Variants in RAPGEF6 observed in about 807,000 individuals in gnomAD.
The protein encoded by RAPGEF6 is Rap guanine nucleotide exchange factor 6, also known as PDZ domain containing guanine nucleotide exchange factor (GEF) 2.
Under a neutral mutation model 171.4 loss-of-function variants are expected in RAPGEF6, and 56 were observed. The observed-to-expected ratio is 0.33, with a 90% CI of 0.26 to 0.41. The LOEUF (loss-of-function observed/expected upper bound fraction) is 0.41. Ranked by LOEUF, RAPGEF6 falls within the 10% of genes least tolerant of loss-of-function variation. The probability of loss-of-function intolerance (pLI) is 1.00; values close to 1 mark genes in which losing one functional copy is unlikely to be tolerated. For synonymous variants in RAPGEF6, 692 were observed against 650.1 expected (o/e 1.06, Z -0.98); for missense variants, 1,674 against 1,921.4 (o/e 0.87, Z 2.41).
chr5:131,488,298 G>C (rs1756057989), intron 15 of RAPGEF6, among the ~76,000 whole-genome samples: 1 of 152,134 alleles, frequency 6.6e-6, no homozygotes, highest in African/African-American at 2.4e-5. Flanking sequence ...TTTAATACCA[G>C]TTAGTAATCT....
At chr5:131,626,719 T>C (rs1212308999) in intron 1 of RAPGEF6, among the ~76,000 whole-genome samples, 1 of 152,100 alleles carries the variant, frequency 6.6e-6, no homozygotes, top group Non-Finnish European at 1.5e-5. Flanking sequence ...TCTACAACCT[T>C]GGTTTTTAAT....
intron 15 of RAPGEF6, among the ~76,000 whole-genome samples, chr5:131,487,127 G>A (rs537183978): frequency 6.6e-6 from 1 of 152,196 alleles, no homozygotes; most frequent in African/African-American, 2.4e-5. Context: ...TAAAGATGGT[G>A]TGTCTGGAGT....
intron 23 of RAPGEF6, among the ~76,000 whole-genome samples, chr5:131,441,300 T>C (rs1376705625): frequency 6.6e-6 from 1 of 152,216 alleles, no homozygotes; most frequent in Non-Finnish European, 1.5e-5. Flanking sequence ...TAAAGCACAA[T>C]TTGAACCATG....
rs115221227 is a variant in RAPGEF6 at position 131,562,709 on chromosome 5, C to T, written c.282-662G>A. On this transcript the variant is annotated intron_variant, in intron 4 of 27. Transcript: ENST00000509018. ...AAATGCTACATAAATAGTTGTTATG[C>T]TTTATTGCTTAGGGAATAATGACAA... Among the ~76,000 whole-genome samples, 1,342 of 152,210 alleles carry T rather than the reference C, an allele frequency of 8.8e-3. 24 individuals carry two copies. Among genetic ancestry groups the T allele is most frequent in the African/African-American group, 0.031 (1,274 of 41,538 alleles).
intron 19 of RAPGEF6, among the ~76,000 whole-genome samples, chr5:131,459,421 T>C (rs1753751930): frequency 6.6e-6 from 1 of 152,150 alleles, no homozygotes; most frequent in African/African-American, 2.4e-5. Flanking sequence ...ATTTGACAAA[T>C]GAGGAAACTT....
Position 131,508,176 on chromosome 5 carries a change from A to G in RAPGEF6, c.837T>C (p.Pro279=). 6.2e-7 allele frequency: 1 copy of G among 1,612,736 alleles called. No individual in the cohort carries two copies. The highest frequency in any genetic ancestry group is 1.3e-5 in the African/African-American group (1 of 74,964). ...CAGACATGGTCATGTTTGCAAATGC[A>G]GGGAGCTGGTGCATAAACTCCAGCA... is the stretch of plus-strand genomic sequence containing the variant. ...EQLLEFMHQL[P]AFANMTMSVR... Residue 279 remains proline, a synonymous_variant, in exon 9 of 28, where the codon CCT becomes CCC. Transcript: ENST00000509018.
intron 20 of RAPGEF6, among the ~76,000 whole-genome samples, chr5:131,453,486 A>G (rs879680667): frequency 4.6e-5 from 7 of 152,062 alleles, no homozygotes; most frequent in Non-Finnish European, 1.0e-4. Context: ...AGCACTTTGG[A>G]AGGCCGAGGC....
chr5:131,431,175 T>C lies in RAPGEF6; in HGVS notation c.4149A>G (p.Lys1383=). 1 of 1,614,106 alleles carries C rather than the reference T, an allele frequency of 6.2e-7. No individual in the cohort carries two copies. Among genetic ancestry groups the C allele is most frequent in the Non-Finnish European group, 8.5e-7 (1 of 1,180,014 alleles). ...TGTAAGAGTTCAAAAAATCCCAGCT[T>C]TTTGGGTTTGGAAGGCTTTGGAAGT... ...HDNFQSLPNP[K]SWDFLNSYRH... is the part of the protein sequence containing the mutation. The change falls in exon 26 of 28, where the codon AAA becomes AAG. Residue 1383 remains lysine, a synonymous_variant. Transcript: ENST00000509018.
chr5:131,468,726 G>C (rs1754546386), intron 17 of RAPGEF6, among the ~76,000 whole-genome samples: 1 of 152,090 alleles, frequency 6.6e-6, no homozygotes, highest in South Asian at 2.1e-4. Context: ...CACTCTCAGG[G>C]AATTTACTTA....
intron 5 of RAPGEF6, among the ~76,000 whole-genome samples, chr5:131,554,390 G>A (rs747723850): frequency 5.1e-4 from 78 of 152,272 alleles, no homozygotes; most frequent in Middle Eastern, 3.4e-3. Context: ...TATTAAATAC[G>A]TGGTTAAATA....
intron 4 of RAPGEF6, among the ~76,000 whole-genome samples, chr5:131,565,496 T>C (rs1417936559): frequency 6.6e-6 from 1 of 152,178 alleles, no homozygotes; most frequent in African/African-American, 2.4e-5. Context: ...ACTGACATAA[T>C]GACCCTAAAA....
intron 6 of RAPGEF6, chr5:131,532,381 A>G (rs1759449338): frequency 4.5e-6 from 1 of 221,886 alleles, no homozygotes; most frequent in African/African-American, 2.3e-5. Flanking sequence ...AGATGTTTAC[A>G]ATTCTGGCTC....
chr5:131,628,741 G>C (rs1766103499), intron 1 of RAPGEF6, among the ~76,000 whole-genome samples: 1 of 152,122 alleles, frequency 6.6e-6, no homozygotes, highest in Non-Finnish European at 1.5e-5. Flanking sequence ...TGAAGCCAAT[G>C]ATCATTTACC....
chr5:131,576,128 G>A (rs1168824505), intron 4 of RAPGEF6, among the ~76,000 whole-genome samples: 1 of 152,064 alleles, frequency 6.6e-6, no homozygotes, highest in Non-Finnish European at 1.5e-5. Context: ...CCTGAACCTC[G>A]TGACTGTATC....
chr5:131,528,308 T>A lies in RAPGEF6; in HGVS notation c.496-6787A>T, dbSNP rs866626580. On this transcript the variant is annotated intron_variant, in intron 6 of 27. Coordinates refer to ENST00000509018, the MANE Select transcript of RAPGEF6 (RefSeq NM_016340.6). ...ATATAAATAAAATAAAATAATATAT[T>A]TATATTATATATATATATATATATA... 1.2e-3 allele frequency among the ~76,000 whole-genome samples: 125 copies of A among 104,484 alleles called. 2 individuals are homozygous for A. The highest frequency in any genetic ancestry group is 5.9e-3 in the African/African-American group (116 of 19,648). The allele number at this position is 104,484 out of a possible 152,430, so 68.5% of individuals were successfully genotyped here.
chr5:131,464,179 A>G lies in RAPGEF6; in HGVS notation c.2342T>C (p.Val781Ala). The G allele has an allele frequency of 2.5e-6, 4 of 1,613,930 alleles. No homozygotes were observed. The South Asian group carries it at 3.3e-5, about 13-fold the overall frequency. Residue 781 changes from valine (V) to alanine (A), a missense_variant, in exon 18 of 28, where the codon GTT (valine) becomes GCT (alanine). By Grantham distance (64) the Val-to-Ala change is moderately conservative. Around this residue, in one of 3 missense-constraint regions of RAPGEF6, gnomAD observed 1,116 missense variants for 1,321.5 expected, o/e 0.84. Coordinates refer to ENST00000509018, the MANE Select transcript of RAPGEF6 (RefSeq NM_016340.6). ...TTAKEVVFHA[V>A]HEFGLTGASD... ...TGCACCGGTCAAACCAAATTCATGA[A>G]CAGCATGAAAAACTACTTCTTTAGC...
intron 1 of RAPGEF6, among the ~76,000 whole-genome samples, chr5:131,616,829 T>A (rs1316509956): frequency 6.6e-6 from 1 of 152,000 alleles, no homozygotes; most frequent in Non-Finnish European, 1.5e-5. Context: ...AGGATGGTCT[T>A]GAACTAAGCT....
chr5:131,621,456 CTT>C (rs919709548), intron 1 of RAPGEF6, among the ~76,000 whole-genome samples: 8 of 151,750 alleles, frequency 5.3e-5, no homozygotes, highest in African/African-American at 1.9e-4. Context: ...GATTTTTGTA[CTT>C]TTTTGTAGAG....
chr5:131,433,426 T>C lies in RAPGEF6; in HGVS notation c.3974+4A>G. The C allele has an allele frequency of 6.2e-7, 1 of 1,604,622 alleles. No homozygotes were observed. The highest frequency in any genetic ancestry group is 1.3e-5 in the African/African-American group (1 of 74,822). On this transcript the variant is annotated splice_donor_region_variant and intron_variant, in intron 25 of 27. Transcript: ENST00000509018. Reference sequence around the variant, plus strand: ...GTGTTATGAACACAGACAATGATGCTTACCCAGGGCCATGTTGACTATGAT... The same window carrying C: ...GTGTTATGAACACAGACAATGATGCCTACCCAGGGCCATGTTGACTATGAT...
Sources: gnomAD v4.1 joint callset for allele counts (sites outside exome capture counted in the v4.1 genomes callset) on GRCh38, gnomAD v4.1.1 for gene constraint, gnomAD v4.1.1 regional missense constraint, MANE v1.5 for transcripts, NCBI Gene and HGNC (gene_info 2026-07-23, HGNC 2026-07-21) for gene names.